The following GATAD2A variants were observed in gnomAD, a reference collection of about 807,000 sequenced individuals.
The protein encoded by GATAD2A is GATA zinc finger domain containing 2A.
A neutral mutation model predicts 68.5 loss-of-function variants in GATAD2A; 12 were observed. The ratio of observed to expected loss-of-function variants is 0.18; its 90% CI spans 0.11 to 0.28. The LOEUF (loss-of-function observed/expected upper bound fraction) is 0.28, where lower values mean the gene tolerates loss of function less well. Among genes scored for constraint, GATAD2A ranks in the 10% least tolerant of loss-of-function variants. GATAD2A has a pLI of 1.00. For missense variants in GATAD2A, 755 were observed against 868.5 expected, an observed-to-expected ratio of 0.87 and a Z score of 1.64; for synonymous variants, 410 against 375.3, an observed-to-expected ratio of 1.09 and a Z score of -1.07.
chr19:19,503,644 C>CTGTGTGTG (rs58706182), intron 11 of GATAD2A, among the ~76,000 whole-genome samples: 2,778 of 148,678 alleles, frequency 0.019, 42 homozygotes, highest in South Asian at 0.062. Flanking sequence ...CATCTGGAAG[C>CTGTGTGTG]TGTGTGTGTG....
In GATAD2A at chr19:19,449,936, T is replaced by G. The variant is rs908522415; in HGVS notation, c.-6-15404T>G. Among the ~76,000 whole-genome samples, 5 of 146,958 alleles carry G rather than the reference T, an allele frequency of 3.4e-5. No individual in the cohort carries two copies. The South Asian group carries it at 6.8e-4, about 20-fold the overall frequency. On this transcript the variant is annotated intron_variant, in intron 1 of 11. Transcript: ENST00000683918. ...CCTTTTCTTTTTACTTCCTTCATTGTTTTATTTATTTATCTTATATTAAAA... is the reference window on the plus strand; with the variant it reads ...CCTTTTCTTTTTACTTCCTTCATTGGTTTATTTATTTATCTTATATTAAAA...
chr19:19,503,732 G>A (rs2060698610), intron 11 of GATAD2A, among the ~76,000 whole-genome samples: 1 of 152,046 alleles, frequency 6.6e-6, no homozygotes, highest in South Asian at 2.1e-4. Flanking sequence ...GGTAGGATTA[G>A]AGGGAAAATA....
chr19:19,467,033 C>A (rs2057921313), intron 2 of GATAD2A, among the ~76,000 whole-genome samples: 1 of 152,120 alleles, frequency 6.6e-6, no homozygotes, highest in South Asian at 2.1e-4. Flanking sequence ...ACCATGTTCC[C>A]CTGCAGGGTA....
intron 1 of GATAD2A, among the ~76,000 whole-genome samples, chr19:19,443,648 G>A (rs1678704648): frequency 6.6e-6 from 1 of 152,164 alleles, no homozygotes; most frequent in Non-Finnish European, 1.5e-5. Flanking sequence ...GATGGCCGTG[G>A]ACCTGGGTGG....
chr19:19,410,505 C>A (rs1488567495), intron 1 of GATAD2A, among the ~76,000 whole-genome samples: 1 of 152,212 alleles, frequency 6.6e-6, no homozygotes, highest in Non-Finnish European at 1.5e-5. Flanking sequence ...CTCAGCTATT[C>A]CTCCTGCAGT....
In GATAD2A at chr19:19,405,813, C is replaced by G. The variant is rs1164047601; in HGVS notation, c.-213C>G. 1 of 149,478 alleles carries G rather than the reference C, an allele frequency of 6.7e-6. No homozygotes were observed. The highest frequency in any genetic ancestry group is 1.5e-5 in the Non-Finnish European group (1 of 67,276). The allele number at this position is 149,478 out of a possible 1,614,324, so 9.3% of individuals were successfully genotyped here. A position where few individuals can be genotyped will look rare whatever the true frequency, so the allele number is the denominator to read the frequency against. Reference sequence around the variant, plus strand: ...CCGGCGCCGGGCTCCATGTGTGCGGCCGAGGGGCGCATTATCTGGCCGGCG... The same window carrying G: ...CCGGCGCCGGGCTCCATGTGTGCGGGCGAGGGGCGCATTATCTGGCCGGCG... On this transcript the variant is annotated 5_prime_UTR_variant, in exon 1 of 12. Transcript: ENST00000683918.
intron 1 of GATAD2A, among the ~76,000 whole-genome samples, chr19:19,464,298 A>C (rs536480859): frequency 6.6e-6 from 1 of 152,198 alleles, no homozygotes; most frequent in Non-Finnish European, 1.5e-5. Flanking sequence ...CTCAGCTGCT[A>C]AATTTCTCTT....
chr19:19,492,183 G>T, intron 2 of GATAD2A, 123 bp from the exon 3 acceptor site: 1 of 1,006,608 alleles, frequency 9.9e-7, no homozygotes, highest in African/African-American at 1.6e-5. Context: ...CAGGGGATGT[G>T]GAGGATGCAG....
chr19:19,394,573 G>A (rs1268351962), intron 1 of GATAD2A, among the ~76,000 whole-genome samples: 1 of 151,850 alleles, frequency 6.6e-6, no homozygotes, highest in African/African-American at 2.4e-5. Flanking sequence ...AGCCTCCTGA[G>A]TAGCTGGGAT....
chr19:19,428,775 A>G (rs2053383416), intron 1 of GATAD2A, among the ~76,000 whole-genome samples: 1 of 152,140 alleles, frequency 6.6e-6, no homozygotes, highest in South Asian at 2.1e-4. Flanking sequence ...TGTGGGCACC[A>G]CTGACACTGG....
In GATAD2A at chr19:19,506,268, C is replaced by G. The variant is rs2144583396; in HGVS notation, c.*794C>G. On this transcript the variant is annotated 3_prime_UTR_variant, in exon 12 of 12. Coordinates refer to ENST00000683918, the MANE Select transcript of GATAD2A (RefSeq NM_001384528.1). ...CAGAAGAACAAACTGAAGAACAGAC[C>G]CAGCCAGAGAAGCAGGGATTCCAGA... 1 of 398,204 alleles carries G rather than the reference C, an allele frequency of 2.5e-6. No individual in the cohort carries two copies. The highest frequency in any genetic ancestry group is 4.4e-6 in the Non-Finnish European group (1 of 225,968). 24.7% of individuals were successfully genotyped at this position (398,204 alleles called of 1,614,324 possible).
intron 1 of GATAD2A, among the ~76,000 whole-genome samples, chr19:19,442,094 A>G (rs1045000395): frequency 6.3e-5 from 9 of 142,136 alleles, no homozygotes; most frequent in Non-Finnish European, 1.4e-4. Flanking sequence ...CTCCAACCTC[A>G]GGTGATCCTC....
At chr19:19,492,517 T>A in intron 3 of GATAD2A, 64 bp from the exon 4 acceptor site, 1 of 1,611,164 alleles carries the variant, frequency 6.2e-7, no homozygotes, top group East Asian at 2.2e-5. Context: ...GAGCTAGTGA[T>A]GGCAGGGCCT....
intron 1 of GATAD2A, among the ~76,000 whole-genome samples, chr19:19,451,052 G>A (rs1004553021): frequency 7.9e-5 from 12 of 151,874 alleles, no homozygotes; most frequent in Admixed American, 7.2e-4. Context: ...TTATAGGCGT[G>A]AGCCACCGCA....
Position 19,409,319 on chromosome 19 carries a change from G to A in GATAD2A, c.-7+3300G>A, listed in dbSNP as rs576366381. Among the ~76,000 whole-genome samples, 12 of 152,232 alleles carry A rather than the reference G, an allele frequency of 7.9e-5. No homozygotes were observed. In the East Asian group the frequency reaches 2.1e-3, roughly 27 times the overall value. ...AATTTATGCTGGTTGTAGAAAACTA[G>A]GAAGATTATGAAATAGGTGAGTGGG... On this transcript the variant is annotated intron_variant, in intron 1 of 11. Coordinates refer to ENST00000683918, the MANE Select transcript of GATAD2A (RefSeq NM_001384528.1).
At chr19:19,502,294 C>T in intron 10 of GATAD2A, 37 bp from the exon 11 acceptor site, 2 of 1,504,922 alleles carry the variant, frequency 1.3e-6, no homozygotes, top group East Asian at 4.5e-5. Context: ...GCTGTCTTTT[C>T]CCTGCATGAG....
chr19:19,467,601 T>C (rs1392510725), intron 2 of GATAD2A, among the ~76,000 whole-genome samples: 1 of 152,202 alleles, frequency 6.6e-6, no homozygotes, highest in Admixed American at 6.5e-5. Context: ...TCCATTTTCA[T>C]TGCTGTATAG....
chr19:19,470,812 C>G (rs1479883834), intron 2 of GATAD2A, among the ~76,000 whole-genome samples: 1 of 152,042 alleles, frequency 6.6e-6, no homozygotes, highest in Non-Finnish European at 1.5e-5. Context: ...ATTCCTCATA[C>G]ATTGCTGGTA....
intron 1 of GATAD2A, among the ~76,000 whole-genome samples, chr19:19,415,559 C>T (rs2051506445): frequency 6.6e-6 from 1 of 151,932 alleles, no homozygotes; most frequent in Non-Finnish European, 1.5e-5. Flanking sequence ...AAGCGATTCT[C>T]CTGCCCCAGC....
Sources: allele counts gnomAD v4.1 joint callset (sites outside exome capture counted in the v4.1 genomes callset), GRCh38; gene constraint gnomAD v4.1.1; transcripts MANE v1.5; gene names NCBI Gene and HGNC (gene_info 2026-07-23, HGNC 2026-07-21).